Variants in RNLS observed in about 807,000 individuals in gnomAD.
RNLS encodes renalase.
RNLS carries 39 observed loss-of-function variants against 39.8 expected under a neutral mutation model. That is an observed-to-expected ratio of 0.98 (90% CI 0.76 to 1.28). RNLS has a LOEUF of 1.28. Among genes scored for constraint, RNLS ranks in the 50% most tolerant of loss-of-function variants. The probability of loss-of-function intolerance (pLI) is 0.00; values close to 1 mark genes in which losing one functional copy is unlikely to be tolerated. For synonymous variants in RNLS, 147 were observed against 150.7 expected (o/e 0.98, Z 0.18); for missense variants, 410 against 413.3 (o/e 0.99, Z 0.07).
At chr10:88,566,593 C>T (rs900328532) in intron 4 of RNLS, among the ~76,000 whole-genome samples, 1 of 152,128 alleles carries the variant, frequency 6.6e-6, no homozygotes, top group African/African-American at 2.4e-5. Flanking sequence ...TAAAAGAATA[C>T]AGGACCTCTT....
chr10:88,281,933 AAG>A (rs1052174223), downstream of RNLS, among the ~76,000 whole-genome samples: 2 of 152,144 alleles, frequency 1.3e-5, no homozygotes, highest in African/African-American at 4.8e-5. Flanking sequence ...ACTGGAAGAA[AAG>A]AAGAGAGCAA....
the RNLS span, among the ~76,000 whole-genome samples, chr10:88,263,956 T>A: frequency 6.6e-6 from 1 of 152,152 alleles, no homozygotes; most frequent in Non-Finnish European, 1.5e-5. Context: ...GTGTAGCCTT[T>A]TATCCCTCAC....
intron 2 of RNLS, 141 bp from the exon 3 acceptor site, chr10:88,581,850 T>C (rs973070342): frequency 3.6e-6 from 2 of 560,204 alleles, no homozygotes; most frequent in East Asian, 3.3e-5. Context: ...TTGTATTAAA[T>C]AAAATGTATA....
the RNLS span, among the ~76,000 whole-genome samples, chr10:88,179,308 G>A: frequency 6.6e-6 from 1 of 152,194 alleles, no homozygotes; most frequent in Non-Finnish European, 1.5e-5. Flanking sequence ...CAGTGAGGAA[G>A]CATGTGGTTC....
chr10:88,477,314 T>C (rs1193593002), intron 4 of RNLS, among the ~76,000 whole-genome samples: 1 of 152,130 alleles, frequency 6.6e-6, no homozygotes, highest in Non-Finnish European at 1.5e-5. Context: ...CTTGATGGTA[T>C]GAGCAAGATG....
chr10:88,182,551 C>A, the RNLS span, among the ~76,000 whole-genome samples: 9 of 152,096 alleles, frequency 5.9e-5, no homozygotes, highest in Non-Finnish European at 1.2e-4. Context: ...CAAAAATACC[C>A]ATTCCAGCAT....
chr10:88,507,953 G>GT (rs1285962440), intron 4 of RNLS, among the ~76,000 whole-genome samples: 1 of 152,146 alleles, frequency 6.6e-6, no homozygotes, highest in African/African-American at 2.4e-5. Flanking sequence ...AGGGTAAACA[G>GT]TCAATAGTGA....
chr10:88,469,823 G>A (rs1477364183), intron 4 of RNLS, among the ~76,000 whole-genome samples: 3 of 17,880 alleles, frequency 1.7e-4, no homozygotes, highest in East Asian at 2.7e-3. Context: ...ATGTGTGTGC[G>A]TGTGTGTGTG....
intron 4 of RNLS, among the ~76,000 whole-genome samples, chr10:88,379,966 C>T (rs924493887): frequency 3.3e-5 from 5 of 152,122 alleles, no homozygotes; most frequent in African/African-American, 4.8e-5. Context: ...TCTTTCCAGC[C>T]GAGACCCCAG....
At chr10:88,305,593 T>C (rs901842615) in intron 6 of RNLS, among the ~76,000 whole-genome samples, 10 of 152,268 alleles carry the variant, frequency 6.6e-5, no homozygotes, top group Non-Finnish European at 1.0e-4. Flanking sequence ...GGGCATTACA[T>C]AATGGTAAGG....
chr10:88,452,717 T>C (rs933964925), intron 4 of RNLS, among the ~76,000 whole-genome samples: 2 of 152,112 alleles, frequency 1.3e-5, no homozygotes, highest in African/African-American at 4.8e-5. Flanking sequence ...TCATGTCATG[T>C]TGCTTGAGAC....
At chr10:88,251,457 C>T in the RNLS span, among the ~76,000 whole-genome samples, 13 of 152,180 alleles carry the variant, frequency 8.5e-5, no homozygotes, top group African/African-American at 1.7e-4. Context: ...TTAATGCACC[C>T]AGCACATGCT....
At chr10:88,437,070 C>T (rs1336651313) in intron 4 of RNLS, among the ~76,000 whole-genome samples, 1 of 152,184 alleles carries the variant, frequency 6.6e-6, no homozygotes, top group Non-Finnish European at 1.5e-5. Flanking sequence ...ACTTCATGAA[C>T]AAGAGTGAAA....
chr10:88,172,418 T>C, the RNLS span, among the ~76,000 whole-genome samples: 2 of 152,164 alleles, frequency 1.3e-5, no homozygotes, highest in Non-Finnish European at 2.9e-5. Context: ...TGCATTTCCC[T>C]GATGATCAGT....
chr10:88,424,980 A>G (rs1260897444), intron 4 of RNLS, among the ~76,000 whole-genome samples: 1 of 152,160 alleles, frequency 6.6e-6, no homozygotes, highest in Non-Finnish European at 1.5e-5. Flanking sequence ...ATGACCTTCC[A>G]GCATCCTGCT....
At chr10:88,212,136 C>A in the RNLS span, among the ~76,000 whole-genome samples, 1 of 152,168 alleles carries the variant, frequency 6.6e-6, no homozygotes, top group African/African-American at 2.4e-5. Context: ...GACCCTCAGT[C>A]CTCAGAATCT....
At position 88,582,230 on chromosome 10, in the gene RNLS, T is replaced by G. The variant is rs1443832002; in HGVS notation, c.196A>C (p.Thr66Pro). The change falls in exon 2 of 7, where the codon ACT (threonine) becomes CCT (proline). Residue 66 changes from threonine (T) to proline (P), a missense_variant. Coordinates refer to ENST00000331772, the MANE Select transcript of RNLS (RefSeq NM_001031709.3). ...TGGTGTTTTTTGGCATAATGAGGAG[T>G]GCAGGTGATGTACTGAGCACCCAAG... Reference protein sequence around the residue: ...ADLGAQYITCTPHYAKKHQRF... With the variant: ...ADLGAQYITCPPHYAKKHQRF... 3.1e-6 allele frequency: 5 copies of G among 1,613,678 alleles called. No homozygotes were observed. The highest frequency in any genetic ancestry group is 1.7e-5 in the Admixed American group (1 of 59,926).
At chr10:88,461,116 C>T (rs1463389410) in intron 4 of RNLS, among the ~76,000 whole-genome samples, 1 of 152,060 alleles carries the variant, frequency 6.6e-6, no homozygotes, top group African/African-American at 2.4e-5. Flanking sequence ...AATGTTTCTC[C>T]ACAGTGCCAA....
At chr10:88,180,472 C>G in the RNLS span, among the ~76,000 whole-genome samples, 1 of 152,158 alleles carries the variant, frequency 6.6e-6, no homozygotes, top group Non-Finnish European at 1.5e-5. Flanking sequence ...GAGAATTTCA[C>G]TATATCTTAC....
Sources: gnomAD v4.1 joint callset for allele counts (sites outside exome capture counted in the v4.1 genomes callset) on GRCh38, gnomAD v4.1.1 for gene constraint, MANE v1.5 for transcripts, NCBI Gene and HGNC (gene_info 2026-07-23, HGNC 2026-07-21) for gene names.